The following KSR2 variants were observed in gnomAD, a reference collection of about 807,000 sequenced individuals.
KSR2 encodes the protein kinase suppressor of ras 2.
Under a neutral mutation model 107.8 loss-of-function variants are expected in KSR2, and 25 were observed. The observed-to-expected ratio is 0.23, with a 90% CI of 0.17 to 0.32. The LOEUF is 0.32. Among genes scored for constraint, KSR2 ranks in the 10% least tolerant of loss-of-function variants. The pLI is 1.00. For missense variants in KSR2, 887 were observed against 1,268.9 expected, an observed-to-expected ratio of 0.70 and a Z score of 4.57; for synonymous variants, 480 against 507.0, an observed-to-expected ratio of 0.95 and a Z score of 0.71.
intron 4 of KSR2, among the ~76,000 whole-genome samples, chr12:117,722,421 A>C (rs1318212129): frequency 6.6e-6 from 1 of 152,184 alleles, no homozygotes; most frequent in East Asian, 1.9e-4. Context: ...ATGAGATAGA[A>C]GGTCAGCACA....
chr12:117,524,057 GT>G (rs991032247), intron 14 of KSR2, among the ~76,000 whole-genome samples: 3 of 152,180 alleles, frequency 2.0e-5, no homozygotes, highest in African/African-American at 7.2e-5. Flanking sequence ...TGTAAATGAC[GT>G]TTTATTGGGA....
rs1870833274 is a variant in KSR2, at chr12:117,460,416, A to G, written c.*6783T>C. ...CACAGTGCAACATCCAGCAGGAGAG[A>G]CGGAGGGGATAGGAAGCCTGGAGCA... On this transcript the variant is annotated 3_prime_UTR_variant, in exon 20 of 20. Transcript: ENST00000339824. The G allele has an allele frequency of 6.6e-6, 1 of 152,256 alleles. No homozygotes were observed. The allele number at this position is 152,256 out of a possible 1,614,324, so 9.4% of individuals were successfully genotyped here.
At chr12:117,712,111 G>A (rs1021647325) in intron 4 of KSR2, among the ~76,000 whole-genome samples, 1 of 152,208 alleles carries the variant, frequency 6.6e-6, no homozygotes, top group African/African-American at 2.4e-5. Context: ...TCCCATGTTA[G>A]CAATGACCAG....
intron 4 of KSR2, among the ~76,000 whole-genome samples, chr12:117,713,382 A>C (rs186054750): frequency 2.3e-3 from 348 of 152,272 alleles, no homozygotes; most frequent in African/African-American, 8.0e-3. Flanking sequence ...AGACATAGAG[A>C]TGTCTCCTAT....
At chr12:117,789,606 G>A (rs1890189306) in intron 3 of KSR2, among the ~76,000 whole-genome samples, 2 of 152,146 alleles carry the variant, frequency 1.3e-5, no homozygotes, top group Admixed American at 1.3e-4. Context: ...GCCCACGTTT[G>A]GATCTTTTTC....
At chr12:117,787,807 C>G (rs1313613294) in intron 3 of KSR2, among the ~76,000 whole-genome samples, 1 of 152,134 alleles carries the variant, frequency 6.6e-6, no homozygotes, top group Non-Finnish European at 1.5e-5. Context: ...TCCCCCAGAT[C>G]TTTATTAACA....
intron 16 of KSR2, among the ~76,000 whole-genome samples, chr12:117,478,061 G>A (rs535715428): frequency 6.6e-6 from 1 of 152,112 alleles, no homozygotes; most frequent in African/African-American, 2.4e-5. Flanking sequence ...ATTAACACAG[G>A]GGAAGGGAGC....
chr12:117,881,663 G>A (rs1029795600), intron 1 of KSR2, among the ~76,000 whole-genome samples: 7 of 151,730 alleles, frequency 4.6e-5, no homozygotes, highest in Non-Finnish European at 7.4e-5. Flanking sequence ...TACAAATGAG[G>A]AAATGGAGGT....
chr12:117,733,627 C>T (rs75814230), intron 4 of KSR2, among the ~76,000 whole-genome samples: 1,617 of 152,300 alleles, frequency 0.011, 27 homozygotes, highest in African/African-American at 0.034. Context: ...TGGACCCTTA[C>T]AGGGAAAATT....
chr12:117,579,109 A>T lies in KSR2; in HGVS notation c.1325+10T>A, dbSNP rs773779432. 4 of 1,608,972 alleles carry T rather than the reference A, an allele frequency of 2.5e-6. No homozygotes were observed. The South Asian group carries it at 4.4e-5, about 18-fold the overall frequency. On this transcript the variant is annotated intron_variant, in intron 7 of 19. Transcript: ENST00000339824. ...GCTGCGAAAAGTCACTGCAGGGCAC[A>T]GTCACTTACTTGCAGTTTTTACACT... is the stretch of plus-strand genomic sequence containing the variant.
chr12:117,614,186 T>A (rs911968102), intron 5 of KSR2, among the ~76,000 whole-genome samples: 3 of 152,196 alleles, frequency 2.0e-5, no homozygotes, highest in Non-Finnish European at 4.4e-5. Context: ...TTTCATATTA[T>A]TTAAATAAAT....
chr12:117,777,346 G>A (rs1295240195), intron 3 of KSR2, among the ~76,000 whole-genome samples: 1 of 151,794 alleles, frequency 6.6e-6, no homozygotes, highest in South Asian at 2.1e-4. Context: ...CTATGCTTTG[G>A]GGCCATTGTA....
rs34174404 is a variant in KSR2 at position 117,753,947 on chromosome 12, CGTGTGTGTGTGTGTGT to C, written c.986+7048_986+7063del. Among the ~76,000 whole-genome samples, 1,279 of 129,032 alleles carry C rather than the reference CGTGTGTGTGTGTGTGT, an allele frequency of 9.9e-3. 12 individuals carry two copies. The highest frequency in any genetic ancestry group is 0.051 in the East Asian group (217 of 4,268). 84.7% of individuals were successfully genotyped at this position (129,032 alleles called of 152,430 possible). A position where few individuals can be genotyped will look rare whatever the true frequency, so the allele number is the denominator to read the frequency against. On this transcript the variant is annotated intron_variant, in intron 4 of 19. Coordinates refer to ENST00000339824, the MANE Select transcript of KSR2 (RefSeq NM_173598.6). ...TACTTTTACTGGGGAAAGTATAGAGCGTGTGTGTGTGTGTGTGTGTGTGTGTGTGTGTGTGTGTGTG... is the reference window on the plus strand; with the variant it reads ...TACTTTTACTGGGGAAAGTATAGAGCGTGTGTGTGTGTGTGTGTGTGTGTG...
intron 3 of KSR2, among the ~76,000 whole-genome samples, chr12:117,820,285 TG>T (rs1891519515): frequency 1.3e-5 from 2 of 152,124 alleles, no homozygotes; most frequent in East Asian, 1.9e-4. Context: ...GATAAAGGTT[TG>T]GGGGCACTGA....
intron 5 of KSR2, among the ~76,000 whole-genome samples, chr12:117,637,675 GTTTTTTT>G (rs56169273): frequency 3.8e-4 from 35 of 92,110 alleles, no homozygotes; most frequent in African/African-American, 6.3e-4. Context: ...TCAGTTTTGG[GTTTTTTT>G]TTTTTTTTTT....
At chr12:117,600,363 T>C (rs147208324) in intron 5 of KSR2, among the ~76,000 whole-genome samples, 1 of 152,252 alleles carries the variant, frequency 6.6e-6, no homozygotes, top group East Asian at 1.9e-4. Context: ...GATGGATGGG[T>C]GCAGAGGCAA....
chr12:117,813,045 T>C (rs1891254407), intron 3 of KSR2, among the ~76,000 whole-genome samples: 1 of 151,856 alleles, frequency 6.6e-6, no homozygotes, highest in African/African-American at 2.4e-5. Flanking sequence ...GACAACAGAT[T>C]TTGACAAAGG....
intron 3 of KSR2, among the ~76,000 whole-genome samples, chr12:117,851,042 T>C (rs1952742081): frequency 6.6e-6 from 1 of 152,202 alleles, no homozygotes; most frequent in Non-Finnish European, 1.5e-5. Context: ...AAGTACAGTG[T>C]TAAGGATCAG....
At chr12:117,905,350 G>A (rs1894807920) in intron 1 of KSR2, among the ~76,000 whole-genome samples, 1 of 152,144 alleles carries the variant, frequency 6.6e-6, no homozygotes, top group Non-Finnish European at 1.5e-5. Context: ...GGAGCCATAT[G>A]TTTGATAGTT....
Sources: gnomAD v4.1 joint callset for allele counts (sites outside exome capture counted in the v4.1 genomes callset) on GRCh38, gnomAD v4.1.1 for gene constraint, MANE v1.5 for transcripts, NCBI Gene and HGNC (gene_info 2026-07-23, HGNC 2026-07-21) for gene names.